CHKB: variants seen among roughly 807,000 people sequenced by gnomAD.
CHKB encodes choline/ethanolamine kinase.
In CHKB, 45 loss-of-function variants were observed where a neutral mutation model predicts 57.3. The ratio of observed to expected loss-of-function variants is 0.79; its 90% confidence interval spans 0.62 to 1.01. The LOEUF is 1.01. CHKB is among the 50% of genes least tolerant of loss of function. The pLI is 0.00. For missense variants in CHKB, 517 were observed against 502.8 expected, an observed-to-expected ratio of 1.03 and a Z score of -0.27; for synonymous variants, 224 against 201.8, an observed-to-expected ratio of 1.11 and a Z score of -0.93.
At position 50,580,420 on chromosome 22, in the gene CHKB, C is replaced by T; in HGVS notation, c.678-4G>A. ...TGGGGTAGACTCTAGTAACTTCCTA[C>T]AGGGGTATGGGAGCATGGGTCCTGA... On this transcript the variant is annotated splice_polypyrimidine_tract_variant and splice_region_variant and intron_variant, in intron 5 of 10. Transcript: ENST00000406938. 2.5e-6 allele frequency: 4 copies of T among 1,613,994 alleles called. No homozygotes were observed. The highest frequency in any genetic ancestry group is 2.2e-5 in the East Asian group (1 of 44,884).
rs1272038088 is a variant in CHKB at position 50,580,097 on chromosome 22, T to C, written c.819-15A>G. ...TGTCAAAGCCCCTGGGAGAATAAGG[T>C]GGACATTCAGTCCCCAAATGCCCTG... On this transcript the variant is annotated splice_polypyrimidine_tract_variant and intron_variant, in intron 7 of 10. Coordinates refer to ENST00000406938, the MANE Select transcript of CHKB (RefSeq NM_005198.5). 6.2e-7 allele frequency: 1 copy of C among 1,613,668 alleles called. No homozygotes were observed. Among genetic ancestry groups the C allele is most frequent in the Non-Finnish European group, 8.5e-7 (1 of 1,179,782 alleles).
chr22:50,579,066 C>T lies in CHKB; in HGVS notation c.*115G>A, dbSNP rs1301937898. ...CTCAGGAACAGGCCGGTCTCCTGAA[C>T]CTCAGTTTCACTTGGGGGCTCAGCC... On this transcript the variant is annotated 3_prime_UTR_variant, in exon 11 of 11. Coordinates refer to ENST00000406938, the MANE Select transcript of CHKB (RefSeq NM_005198.5). 9.7e-7 allele frequency: 1 copy of T among 1,030,490 alleles called. No individual in the cohort carries two copies. The highest frequency in any genetic ancestry group is 1.6e-5 in the African/African-American group (1 of 62,938). The allele number at this position is 1,030,490 out of a possible 1,614,324, so 63.8% of individuals were successfully genotyped here. A position where few individuals can be genotyped will look rare whatever the true frequency, so the allele number is the denominator to read the frequency against.
rs777434454 is a variant in CHKB, at chr22:50,579,459, C to T, written c.1080G>A (p.Gln360=). 1.2e-5 allele frequency: 19 copies of T among 1,613,530 alleles called. No homozygotes were observed. The highest frequency in any genetic ancestry group is 1.7e-5 in the Admixed American group (1 of 59,980). ...CAAATTCTATGGTGGACATGGATGCCTGGAGGATGGACCACAGACCCCAGA... is the reference window on the plus strand; with the variant it reads ...CAAATTCTATGGTGGACATGGATGCTTGGAGGATGGACCACAGACCCCAGA... ...HFFWGLWSIL[Q]ASMSTIEFGY... The change falls in exon 10 of 11, where the codon CAG becomes CAA. Residue 360 remains glutamine (Q), a synonymous_variant. Coordinates refer to ENST00000406938, the MANE Select transcript of CHKB (RefSeq NM_005198.5).
Position 50,582,723 on chromosome 22 carries a change from T to C in CHKB, c.59A>G (p.Lys20Arg). ...GSGAVGGCLAKDGLQQSKCPD... is the reference protein window; with the variant it reads ...GSGAVGGCLARDGLQQSKCPD... ...GCACTTAGACTGCTGCAAGCCGTCTTTGGCCAGGCAGCCGCCAACAGCCCC... is the reference window on the plus strand; with the variant it reads ...GCACTTAGACTGCTGCAAGCCGTCTCTGGCCAGGCAGCCGCCAACAGCCCC... Residue 20 changes from lysine to arginine, a missense_variant, in exon 1 of 11, where the codon AAA (lysine) becomes AGA (arginine). Physicochemically the swap from Lys to Arg is conservative, Grantham distance 26. Coordinates refer to ENST00000406938, the MANE Select transcript of CHKB (RefSeq NM_005198.5). 6.2e-7 allele frequency: 1 copy of C among 1,606,410 alleles called. No individual in the cohort carries two copies. Among genetic ancestry groups the C allele is most frequent in the Non-Finnish European group, 8.5e-7 (1 of 1,177,574 alleles).
rs1347220758 is a variant in CHKB, at chr22:50,581,741, G to C, written c.447+8C>G. The C allele has an allele frequency of 4.3e-6, 7 of 1,612,308 alleles. No homozygotes were observed. The highest frequency in any genetic ancestry group is 5.1e-6 in the Non-Finnish European group (6 of 1,178,510). The stretch of plus-strand genomic sequence containing the variant: ...CTTGGGGAGGAGAGGGTAGGACTGG[G>C]CCCGTACTGGGATGTACTGTTCCAG... On this transcript the variant is annotated splice_region_variant and intron_variant, in intron 3 of 10. Coordinates refer to ENST00000406938, the MANE Select transcript of CHKB (RefSeq NM_005198.5).
chr22:50,579,531 G>C, intron 9 of CHKB, 24 bp from the exon 10 acceptor site: 1 of 1,611,642 alleles, frequency 6.2e-7, no homozygotes. Flanking sequence ...AGGAAAAGGA[G>C]GGGCATTCAA....
rs1057523950 is a variant in CHKB at position 50,581,412 on chromosome 22, T to A, written c.581+8A>T. The stretch of plus-strand genomic sequence containing the variant: ...AGTACAGGAGCCCTGAGGAGGCTCC[T>A]GACTCACCGCTCCATGGTCCCAAAC... On this transcript the variant is annotated splice_region_variant and intron_variant, in intron 4 of 10. Coordinates refer to ENST00000406938, the MANE Select transcript of CHKB (RefSeq NM_005198.5). The A allele has an allele frequency of 2.5e-6, 4 of 1,612,794 alleles. No homozygotes were observed. In the Admixed American group the frequency reaches 6.7e-5, roughly 27 times the overall value.
At chr22:50,582,432 G>T in intron 1 of CHKB, 75 bp from the exon 2 acceptor site, 2 of 1,454,220 alleles carry the variant, frequency 1.4e-6, no homozygotes, top group Non-Finnish European at 1.8e-6. Context: ...TCCCGGCCAG[G>T]CCGGCCCCGC....
chr22:50,582,238 A>C lies in CHKB; in HGVS notation c.333+11T>G. 1 of 1,571,828 alleles carries C rather than the reference A, an allele frequency of 6.4e-7. No individual in the cohort carries two copies. Among genetic ancestry groups the C allele is most frequent in the Non-Finnish European group, 8.6e-7 (1 of 1,160,142 alleles). ...AAGCCACTGGTGCTGCGGCGCTCAC[A>C]CCCCCCTCACCTGCAAGATGGCTCC... On this transcript the variant is annotated intron_variant, in intron 2 of 10. Coordinates refer to ENST00000406938, the MANE Select transcript of CHKB (RefSeq NM_005198.5).
Position 50,582,594 on chromosome 22 carries a change from C to G in CHKB, c.188G>C (p.Arg63Pro). 6.2e-7 allele frequency: 1 copy of G among 1,610,492 alleles called. No individual in the cohort carries two copies. The highest frequency in any genetic ancestry group is 8.5e-7 in the Non-Finnish European group (1 of 1,179,012). ...CREYLGGAWR[R>P]VQPEELRVYP... ...AACCCTCAGCTCCTCGGGCTGCACT[C>G]GGCGCCAGGCCCCGCCCAAGTACTC... Residue 63 changes from arginine (R) to proline (P), a missense_variant, in exon 1 of 11, where the codon CGA becomes CCA. Physicochemically the swap from Arg to Pro is moderately radical, Grantham distance 103. Transcript: ENST00000406938.
rs1244307468 is a variant in CHKB, at chr22:50,582,441, G to A, written c.225-84C>T. The A allele has an allele frequency of 4.1e-6, 6 of 1,454,050 alleles. No homozygotes were observed. In the East Asian group the frequency reaches 8.7e-5, roughly 21 times the overall value. The allele number at this position is 1,454,050 out of a possible 1,614,324, so 90.1% of individuals were successfully genotyped here. On this transcript the variant is annotated intron_variant, in intron 1 of 10. Transcript: ENST00000406938. ...GCCCCCTCCCGGCCAGGCCGGCCCC[G>A]CCCCGCCCCAGGCGCGGGCGCAAGA...
intron 2 of CHKB, 158 bp from the exon 3 acceptor site, chr22:50,582,020 G>T: frequency 1.3e-6 from 1 of 785,226 alleles, no homozygotes; most frequent in Non-Finnish European, 2.2e-6. Context: ...TTAGAGATGG[G>T]GGTCTCACTA....
Position 50,580,173 on chromosome 22 carries a change from C to A in CHKB, c.818+17G>T. Reference sequence around the variant, plus strand: ...CTATGGGAACAGATCTATGGGAAGCCATCTTTCCAGCCTCACCTATAGTTA... The same window carrying A: ...CTATGGGAACAGATCTATGGGAAGCAATCTTTCCAGCCTCACCTATAGTTA... On this transcript the variant is annotated intron_variant, in intron 7 of 10. Transcript: ENST00000406938. The A allele has an allele frequency of 6.2e-7, 1 of 1,613,666 alleles. No homozygotes were observed. Among genetic ancestry groups the A allele is most frequent in the South Asian group, 1.1e-5 (1 of 91,032 alleles).
At position 50,582,768 on chromosome 22, in the gene CHKB, G is replaced by T; in HGVS notation, c.14C>A (p.Ala5Glu). Residue 5 changes from alanine to glutamate, a missense_variant, in exon 1 of 11, where the codon GCG (alanine) becomes GAG (glutamate). Physicochemically the swap from Ala to Glu is moderately radical, Grantham distance 107 (BLOSUM62 -1). Transcript: ENST00000406938. MAAEATAVAGSGAVG... is the reference protein window; with the variant it reads MAAEETAVAGSGAVG... ...AGCCCCGCTTCCGGCCACAGCTGTC[G>T]CCTCGGCCGCCATGGCGCGGGCTCG... 1 of 1,577,518 alleles carries T rather than the reference G, an allele frequency of 6.3e-7. No individual in the cohort carries two copies.
rs1475924400 is a variant in CHKB at position 50,579,784 on chromosome 22, G to A, written c.974C>T (p.Thr325Ile). Residue 325 changes from threonine to isoleucine, a missense_variant, in exon 9 of 11, where the codon ACC (threonine) becomes ATC (isoleucine). Coordinates refer to ENST00000406938, the MANE Select transcript of CHKB (RefSeq NM_005198.5). ...HYLAEAKKGE[T>I]LSQEEQRKLE... ...TTTTCTCTGCTCCTCTTGGGAGAGG[G>A]TCTCACCTTTCTTTGCCTCTGCCAG... The A allele has an allele frequency of 1.9e-6, 3 of 1,614,020 alleles. No homozygotes were observed. The highest frequency in any genetic ancestry group is 2.7e-5 in the African/African-American group (2 of 75,024).
intron 2 of CHKB, 173 bp downstream of exon 2, chr22:50,582,076 C>A (rs941826046): frequency 2.6e-6 from 2 of 780,160 alleles, no homozygotes; most frequent in South Asian, 1.5e-5. Context: ...GTGATCCTCT[C>A]GCCTCAGCCT....
rs762676 is a variant in CHKB at position 50,579,365 on chromosome 22, A to G, written c.1113+61T>C. ...CGGGACTCCCCAGGCCTCCTGGAAGAGTGTGGCTGCTGCTGCTCCCCAGCC... is the reference window on the plus strand; with the variant it reads ...CGGGACTCCCCAGGCCTCCTGGAAGGGTGTGGCTGCTGCTGCTCCCCAGCC... On this transcript the variant is annotated intron_variant, in intron 10 of 10. Transcript: ENST00000406938. 121,954 of 1,584,834 alleles carry G rather than the reference A, an allele frequency of 0.077. 8,205 individuals are homozygous for G. Among genetic ancestry groups the G allele is most frequent in the East Asian group, 0.38 (16,798 of 44,126 alleles).
chr22:50,579,235 G>C lies in CHKB; in HGVS notation c.1134C>G (p.Phe378Leu), dbSNP rs372529332. ...GCCCCTTCTGCTGGAAGTAGAACTGGAACCGAGACTGGGCATAGTCCTAGG... is the reference window on the plus strand; with the variant it reads ...GCCCCTTCTGCTGGAAGTAGAACTGCAACCGAGACTGGGCATAGTCCTAGG... The part of the protein sequence containing the change: ...FGYLDYAQSR[F>L]QFYFQQKGQL... The change falls in exon 11 of 11, where the codon TTC becomes TTG. Residue 378 changes from phenylalanine (F) to leucine (L), a missense_variant. Coordinates refer to ENST00000406938, the MANE Select transcript of CHKB (RefSeq NM_005198.5). The C allele has an allele frequency of 6.2e-6, 10 of 1,613,712 alleles. No homozygotes were observed. The highest frequency in any genetic ancestry group is 2.7e-5 in the African/African-American group (2 of 74,878).
rs1346616081 is a variant in CHKB at position 50,579,091 on chromosome 22, C to G, written c.*90G>C. 15 of 1,292,722 alleles carry G rather than the reference C, an allele frequency of 1.2e-5. No homozygotes were observed. In the Admixed American group the frequency reaches 2.7e-4, roughly 24 times the overall value. The allele number at this position is 1,292,722 out of a possible 1,614,324, so 80.1% of individuals were successfully genotyped here. On this transcript the variant is annotated 3_prime_UTR_variant, in exon 11 of 11. Transcript: ENST00000406938. ...CCTCAGTTTCACTTGGGGGCTCAGC[C>G]CAGTCGCCAGGGCCTTCTGCTCGTT...
Sources: gnomAD v4.1 joint callset for allele counts on GRCh38, gnomAD v4.1.1 for gene constraint, MANE v1.5 for transcripts, NCBI Gene and HGNC (gene_info 2026-07-23, HGNC 2026-07-21) for gene names.